The following GRIN2B variants were observed in gnomAD, a reference collection of about 807,000 sequenced individuals.
GRIN2B encodes glutamate ionotropic receptor NMDA type subunit 2B.
GRIN2B carries 5 observed loss-of-function variants against 114.5 expected under a neutral mutation model. That is an observed-to-expected ratio of 0.04 (90% CI 0.02 to 0.09). The LOEUF (loss-of-function observed/expected upper bound fraction) is 0.09, where lower values mean the gene tolerates loss of function less well. Ranked by LOEUF, GRIN2B falls within the 10% of genes least tolerant of loss-of-function variation. GRIN2B has a pLI of 1.00. For missense variants in GRIN2B, 1,108 were observed against 1,943.5 expected (o/e 0.57, Z 8.08); for synonymous variants, 787 against 745.1 (o/e 1.06, Z -0.92).
intron 3 of GRIN2B, among the ~76,000 whole-genome samples, chr12:13,792,411 T>C (rs1325761879): frequency 1.3e-5 from 2 of 152,258 alleles, no homozygotes; most frequent in Admixed American, 6.5e-5. Flanking sequence ...TCTCCCAGCC[T>C]GGCCTGTGGG....
chr12:13,750,178 G>A (rs1481107531), intron 4 of GRIN2B, among the ~76,000 whole-genome samples: 1 of 152,148 alleles, frequency 6.6e-6, no homozygotes, highest in Non-Finnish European at 1.5e-5. Context: ...GGTGCCTGAG[G>A]AATTGATGAA....
Position 13,537,797 on chromosome 12 carries a change from T to G in GRIN2B, c.*24986A>C, listed in dbSNP as rs1948231037. On this transcript the variant is annotated 3_prime_UTR_variant, in exon 14 of 14. Coordinates refer to ENST00000609686, the MANE Select transcript of GRIN2B (RefSeq NM_000834.5). ...CAGAAATACTCAGATGACTCCACTA[T>G]GTAAAACTGAGAACTACTGCTCCAG... The G allele has an allele frequency of 6.6e-6, 1 of 152,182 alleles. No individual in the cohort carries two copies. The highest frequency in any genetic ancestry group is 2.1e-4 in the South Asian group (1 of 4,830). 9.4% of individuals were successfully genotyped at this position (152,182 alleles called of 1,614,324 possible).
intron 5 of GRIN2B, among the ~76,000 whole-genome samples, chr12:13,644,281 C>G (rs1482823385): frequency 1.3e-5 from 2 of 152,074 alleles, no homozygotes; most frequent in Admixed American, 1.3e-4. Context: ...CATGAGAGGT[C>G]TTGAATGACT....
intron 4 of GRIN2B, among the ~76,000 whole-genome samples, chr12:13,733,607 C>T (rs1863125660): frequency 6.6e-6 from 1 of 152,172 alleles, no homozygotes; most frequent in African/African-American, 2.4e-5. Context: ...GTGTTGTATA[C>T]ATCCATGCAA....
intron 5 of GRIN2B, among the ~76,000 whole-genome samples, chr12:13,646,909 A>G (rs1239286572): frequency 6.6e-6 from 1 of 152,092 alleles, no homozygotes; most frequent in Non-Finnish European, 1.5e-5. Flanking sequence ...TCAACTACCT[A>G]TGAAGAGGGT....
At chr12:13,697,747 G>A (rs914656979) in intron 4 of GRIN2B, among the ~76,000 whole-genome samples, 5 of 152,080 alleles carry the variant, frequency 3.3e-5, no homozygotes, top group Non-Finnish European at 7.4e-5. Flanking sequence ...AGCATTTTCT[G>A]TACTTTTGTG....
chr12:13,609,511 C>T (rs1002166191), intron 9 of GRIN2B, among the ~76,000 whole-genome samples: 14 of 152,126 alleles, frequency 9.2e-5, no homozygotes, highest in Admixed American at 7.9e-4. Context: ...TGGTGGCTCA[C>T]GCCTGTAATC....
intron 4 of GRIN2B, among the ~76,000 whole-genome samples, chr12:13,687,740 T>C (rs930380640): frequency 1.3e-5 from 2 of 152,192 alleles, no homozygotes; most frequent in Non-Finnish European, 2.9e-5. Context: ...AAAGGAAGAA[T>C]TAGCTGGCTG....
intron 3 of GRIN2B, among the ~76,000 whole-genome samples, chr12:13,758,021 G>A (rs548535032): frequency 3.5e-4 from 53 of 152,294 alleles, no homozygotes; most frequent in Non-Finnish European, 6.5e-4. Context: ...CACCCTTGGG[G>A]ACTGCCTCAG....
chr12:13,615,107 C>T lies in GRIN2B; in HGVS notation c.1654+7G>A, dbSNP rs1018154433. 1 of 1,610,618 alleles carries T rather than the reference C, an allele frequency of 6.2e-7. No homozygotes were observed. The highest frequency in any genetic ancestry group is 1.1e-5 in the South Asian group (1 of 91,000). Reference sequence around the variant, plus strand: ...CATTTCCTTCCACCAGCAAACCCATCATTTACCTAAGAAGGCAGAAGGTGA... The same window carrying T: ...CATTTCCTTCCACCAGCAAACCCATTATTTACCTAAGAAGGCAGAAGGTGA... On this transcript the variant is annotated splice_region_variant and intron_variant, in intron 8 of 13. Coordinates refer to ENST00000609686, the MANE Select transcript of GRIN2B (RefSeq NM_000834.5). This position sits in a 1 kb window ranked among gnomAD's most constrained non-coding sequence, Gnocchi z 5.8.
At chr12:13,766,570 C>G (rs577029714) in intron 3 of GRIN2B, among the ~76,000 whole-genome samples, 1 of 152,320 alleles carries the variant, frequency 6.6e-6, no homozygotes, top group Admixed American at 6.5e-5. Context: ...TAGAGTATCA[C>G]GTCCAAATCA....
chr12:13,879,623 A>T (rs1866040555), intron 2 of GRIN2B, among the ~76,000 whole-genome samples: 1 of 152,218 alleles, frequency 6.6e-6, no homozygotes, highest in Non-Finnish European at 1.5e-5. Flanking sequence ...TTTGAAAGCA[A>T]GTAGCTGCTC....
At chr12:13,735,038 G>A (rs979245574) in intron 4 of GRIN2B, among the ~76,000 whole-genome samples, 114 of 152,182 alleles carry the variant, frequency 7.5e-4, no homozygotes, top group African/African-American at 2.7e-3. Flanking sequence ...AATTATGAAG[G>A]TTAAGGCCGG....
chr12:13,825,757 T>C (rs1311525727), intron 3 of GRIN2B, among the ~76,000 whole-genome samples: 1 of 151,976 alleles, frequency 6.6e-6, no homozygotes, highest in Admixed American at 6.6e-5. Flanking sequence ...CCTCAGGTGA[T>C]CTGCCCACCT....
At chr12:13,676,537 C>A (rs751731118) in intron 4 of GRIN2B, among the ~76,000 whole-genome samples, 3 of 151,962 alleles carry the variant, frequency 2.0e-5, no homozygotes, top group African/African-American at 4.8e-5. Flanking sequence ...ACTTACCATG[C>A]GGCCTGGTGC....
chr12:13,629,891 C>G (rs925260831), intron 5 of GRIN2B, among the ~76,000 whole-genome samples: 3 of 152,144 alleles, frequency 2.0e-5, no homozygotes, highest in African/African-American at 7.2e-5. Flanking sequence ...GCATCTATGC[C>G]AAGAAGTGTT....
intron 5 of GRIN2B, among the ~76,000 whole-genome samples, chr12:13,625,388 G>A (rs559507515): frequency 2.0e-5 from 3 of 152,292 alleles, no homozygotes; most frequent in East Asian, 1.9e-4. Flanking sequence ...AGTGGCGACC[G>A]AAGTTCACAA....
chr12:13,596,441 G>A (rs923719254), intron 10 of GRIN2B, among the ~76,000 whole-genome samples: 4 of 152,194 alleles, frequency 2.6e-5, no homozygotes. Context: ...AAGTACTTCA[G>A]AAACTAAACA....
At chr12:13,646,383 A>G (rs1422263426) in intron 5 of GRIN2B, among the ~76,000 whole-genome samples, 2 of 152,130 alleles carry the variant, frequency 1.3e-5, no homozygotes, top group Non-Finnish European at 2.9e-5. Context: ...TATGTTTTAC[A>G]TACATCAGCT....
Sources: gnomAD v4.1 joint callset for allele counts (sites outside exome capture counted in the v4.1 genomes callset) on GRCh38, gnomAD v4.1.1 for gene constraint, Gnocchi (gnomAD v3.1) non-coding constraint, MANE v1.5 for transcripts, NCBI Gene and HGNC (gene_info 2026-07-23, HGNC 2026-07-21) for gene names.